The following ACSBG2 variants were observed in gnomAD, a reference collection of about 807,000 sequenced individuals.
ACSBG2 encodes the protein acyl-CoA synthetase bubblegum family member 2.
ACSBG2 carries 62 observed loss-of-function variants against 74.7 expected under a neutral mutation model. That is an observed-to-expected ratio of 0.83 (90% CI 0.68 to 1.03). The LOEUF (loss-of-function observed/expected upper bound fraction) is 1.03, where lower values mean the gene tolerates loss of function less well. Among genes scored for constraint, ACSBG2 ranks in the 50% least tolerant of loss-of-function variants. ACSBG2 has a pLI of 0.00. For missense variants in ACSBG2, 730 were observed against 817.6 expected, an observed-to-expected ratio of 0.89 and a Z score of 1.31; for synonymous variants, 309 against 294.1, an observed-to-expected ratio of 1.05 and a Z score of -0.52.
At chr19:6,141,927 C>T (rs9304928) in intron 2 of ACSBG2, among the ~76,000 whole-genome samples, 88,827 of 151,916 alleles carry the variant, frequency 0.58, 27,059 homozygotes, top group Admixed American at 0.68. Flanking sequence ...GACAGGGTTT[C>T]GCTATGTTCC....
rs1288451569 is a variant in ACSBG2, at chr19:6,185,647, A to G, written c.1534A>G (p.Ile512Val). The change falls in exon 11 of 15, where the codon ATC becomes GTC. Residue 512 changes from isoleucine to valine, a missense_variant. Ile to Val is a conservative substitution (Grantham distance 29). Coordinates refer to ENST00000588485, the MANE Select transcript of ACSBG2 (RefSeq NM_030924.5). Reference sequence around the variant, plus strand: ...GGGTTTCCTCTATGTCACCGGCCACATCAAAGGTACCAGGGGCTGAGCTCT... The same window carrying G: ...GGGTTTCCTCTATGTCACCGGCCACGTCAAAGGTACCAGGGGCTGAGCTCT... ...GLGFLYVTGH[I>V]KEILITAGGE... The G allele has an allele frequency of 3.1e-6, 5 of 1,614,170 alleles. No individual in the cohort carries two copies. The South Asian group carries it at 5.5e-5, about 18-fold the overall frequency.
chr19:6,137,165 A>C (rs1406246945), intron 1 of ACSBG2: 1 of 117,708 alleles, frequency 8.5e-6, no homozygotes, highest in Non-Finnish European at 1.6e-5. Context: ...GTGGTGGCTC[A>C]CACCTGCAAA....
chr19:6,164,858 G>A (rs116179615), intron 6 of ACSBG2, among the ~76,000 whole-genome samples: 2,277 of 152,282 alleles, frequency 0.015, 67 homozygotes, highest in African/African-American at 0.052. Flanking sequence ...TTGCGGCACC[G>A]AATTCTGTCA....
intron 1 of ACSBG2, among the ~76,000 whole-genome samples, chr19:6,139,092 ATT>A (rs5826914): frequency 3.4e-5 from 5 of 145,084 alleles, no homozygotes; most frequent in African/African-American, 1.3e-4. Flanking sequence ...AATTAAACTT[ATT>A]TTTTTTTTTT....
At chr19:6,151,614 A>G (rs2089242371) in intron 3 of ACSBG2, 93 bp from the exon 4 acceptor site, 2 of 1,293,008 alleles carry the variant, frequency 1.5e-6, no homozygotes, top group South Asian at 2.6e-5. Flanking sequence ...CCTGGCCTCC[A>G]TGTGACTACC....
rs59471454 is a variant in ACSBG2, at chr19:6,154,434, A to G, written c.387-1997A>G. 2.4e-3 allele frequency among the ~76,000 whole-genome samples: 93 copies of G among 38,204 alleles called. 1 individual carries two copies. The highest frequency in any genetic ancestry group is 3.4e-3 in the African/African-American group (87 of 25,588). The allele number at this position is 38,204 out of a possible 152,430, so 25.1% of individuals were successfully genotyped here. On this transcript the variant is annotated intron_variant, in intron 4 of 14. Coordinates refer to ENST00000588485, the MANE Select transcript of ACSBG2 (RefSeq NM_030924.5). ...AGAGAGAGAGAGAGAGAGAGAGAGA[A>G]AATTATTATTATATATATAAAATAT...
In ACSBG2 at chr19:6,154,004, A is replaced by G. The variant is rs577116811; in HGVS notation, c.386+2209A>G. On this transcript the variant is annotated intron_variant, in intron 4 of 14. Transcript: ENST00000588485. ...GTGACTAGAAATAAATATTAACATT[A>G]GTTATATCTCATCATCGAGACTAAC... is the stretch of plus-strand genomic sequence containing the variant. Among the ~76,000 whole-genome samples the G allele has an allele frequency of 3.3e-5, 5 of 152,216 alleles. No individual in the cohort carries two copies. The East Asian group carries it at 9.6e-4, about 29-fold the overall frequency.
chr19:6,151,842 C>T, intron 4 of ACSBG2, 47 bp downstream of exon 4: 13 of 1,533,130 alleles, frequency 8.5e-6, no homozygotes, highest in Non-Finnish European at 1.2e-5. Flanking sequence ...GAGCCGCTAC[C>T]CTGGGCCTGG....
chr19:6,167,679 G>C (rs2145157110), intron 7 of ACSBG2, among the ~76,000 whole-genome samples: 1 of 152,246 alleles, frequency 6.6e-6, no homozygotes, highest in Non-Finnish European at 1.5e-5. Flanking sequence ...CTGTCTGTCT[G>C]AGCAATATCA....
chr19:6,163,137 A>C (rs189154544), intron 6 of ACSBG2, among the ~76,000 whole-genome samples: 1 of 145,040 alleles, frequency 6.9e-6, no homozygotes, highest in Admixed American at 7.0e-5. Flanking sequence ...TAATAATAAT[A>C]ATAATAATAA....
chr19:6,148,443 A>G (rs2145037099), intron 3 of ACSBG2: 1 of 152,492 alleles, frequency 6.6e-6, no homozygotes, highest in Non-Finnish European at 1.5e-5. Flanking sequence ...CCAGGAGTTC[A>G]AGACCAGCCT....
At chr19:6,152,301 T>TTTTGTA (rs1424577463) in intron 4 of ACSBG2, among the ~76,000 whole-genome samples, 84 of 71,314 alleles carry the variant, frequency 1.2e-3, no homozygotes, top group African/African-American at 2.5e-3. Flanking sequence ...TTTTTTTTTT[T>TTTTGTA]GAGACGGAGT....
intron 1 of ACSBG2, 127 bp from the exon 2 acceptor site, chr19:6,141,386 C>T (rs1013699397): frequency 1.5e-5 from 9 of 603,858 alleles, no homozygotes; most frequent in East Asian, 8.4e-5. Context: ...TCCTCCCAGG[C>T]CCAGGACAGG....
At chr19:6,185,382 G>T (rs1459954569) in intron 10 of ACSBG2, 54 bp from the exon 11 acceptor site, 3 of 1,583,062 alleles carry the variant, frequency 1.9e-6, no homozygotes, top group Admixed American at 3.3e-5. Context: ...AGGCAGAGCT[G>T]GGTGGCTGAC....
rs533346667 is a variant in ACSBG2 at position 6,161,561 on chromosome 19, G to A, written c.588+266G>A. The stretch of plus-strand genomic sequence containing the variant: ...GGGTGTGACCTTACAAGGGAAGTGG[G>A]TGTGGCCTTTCAAAGAAAGTGGGAG... On this transcript the variant is annotated intron_variant, in intron 6 of 14. Transcript: ENST00000588485. The A allele has an allele frequency of 6.8e-5, 24 of 351,246 alleles. No homozygotes were observed. In the South Asian group the frequency reaches 8.1e-4, roughly 12 times the overall value. The allele number at this position is 351,246 out of a possible 1,614,324, so 21.8% of individuals were successfully genotyped here. A position where few individuals can be genotyped will look rare whatever the true frequency, so the allele number is the denominator to read the frequency against.
Position 6,183,084 on chromosome 19 carries a change from G to A in ACSBG2, c.1134G>A (p.Val378=), listed in dbSNP as rs768963353. ...GCTACCGCATGGCTAAGACTCTCGT[G>A]TTCAGCAAAGTCAAGACATCCCTTG... The part of the protein sequence containing the change: ...PVSYRMAKTL[V]FSKVKTSLGL... The change falls in exon 10 of 15, where the codon GTG becomes GTA. Residue 378 remains valine (V), a synonymous_variant. Transcript: ENST00000588485. The A allele has an allele frequency of 6.2e-7, 1 of 1,614,160 alleles. No homozygotes were observed. Among genetic ancestry groups the A allele is most frequent in the Admixed American group, 1.7e-5 (1 of 60,028 alleles).
intron 1 of ACSBG2, among the ~76,000 whole-genome samples, chr19:6,139,232 T>G (rs1183149849): frequency 6.6e-6 from 1 of 151,992 alleles, no homozygotes; most frequent in African/African-American, 2.4e-5. Context: ...GAACTACAGG[T>G]GTCTGCCACC....
chr19:6,192,264 G>A (rs1001333296), intron 14 of ACSBG2, among the ~76,000 whole-genome samples: 4 of 152,064 alleles, frequency 2.6e-5, no homozygotes, highest in Admixed American at 6.6e-5. Context: ...TCAGGCTAGA[G>A]TGCAGTGGTG....
intron 2 of ACSBG2, among the ~76,000 whole-genome samples, chr19:6,143,311 G>A (rs966080594): frequency 4.6e-5 from 7 of 151,878 alleles, no homozygotes; most frequent in African/African-American, 1.7e-4. Flanking sequence ...TGAAGGTGTG[G>A]GTAGTGAGGT....
Sources: gnomAD v4.1 joint callset for allele counts (sites outside exome capture counted in the v4.1 genomes callset) on GRCh38, gnomAD v4.1.1 for gene constraint, MANE v1.5 for transcripts, NCBI Gene and HGNC (gene_info 2026-07-23, HGNC 2026-07-21) for gene names.